Variants in DPYD observed in about 807,000 individuals in gnomAD.
DPYD encodes dihydropyrimidine dehydrogenase, also known as dihydropyrimidine dehydrogenase [NADP(+)].
Under a neutral mutation model 116.2 loss-of-function variants are expected in DPYD, and 109 were observed. The observed-to-expected ratio is 0.94, with a 90% CI of 0.80 to 1.10. The LOEUF (loss-of-function observed/expected upper bound fraction) is 1.10. DPYD is among the 50% of genes least tolerant of loss of function. The pLI is 0.00. For missense variants in DPYD, 1,302 were observed against 1,254.5 expected (o/e 1.04, Z -0.57); for synonymous variants, 440 against 432.0 (o/e 1.02, Z -0.23).
chr1:97,854,382 T>C (rs541667044), intron 2 of DPYD, among the ~76,000 whole-genome samples: 1 of 152,284 alleles, frequency 6.6e-6, no homozygotes, highest in East Asian at 1.9e-4. Context: ...TGATACTCAA[T>C]AGTAGCTAAA....
chr1:97,524,188 T>C (rs893410557), intron 12 of DPYD, among the ~76,000 whole-genome samples: 6 of 152,150 alleles, frequency 3.9e-5, no homozygotes, highest in South Asian at 2.1e-4. Context: ...AATATAGTCA[T>C]TGGGGTCCCT....
chr1:97,829,878 C>T (rs879302890), intron 2 of DPYD, among the ~76,000 whole-genome samples: 3 of 151,832 alleles, frequency 2.0e-5, no homozygotes, highest in Non-Finnish European at 4.4e-5. Context: ...AGGTATTTCT[C>T]CTAATGCCAT....
chr1:97,782,415 C>T (rs1666800303), intron 3 of DPYD, among the ~76,000 whole-genome samples: 1 of 152,214 alleles, frequency 6.6e-6, no homozygotes, highest in South Asian at 2.1e-4. Context: ...TTGCTTTGAG[C>T]ATGTTCTACA....
At chr1:97,775,021 G>A in intron 3 of DPYD, 1 of 277,506 alleles carries the variant, frequency 3.6e-6, no homozygotes, top group African/African-American at 2.2e-5. Context: ...CCAGGTTTGT[G>A]ACAGTGTCTG....
intron 20 of DPYD, among the ~76,000 whole-genome samples, chr1:97,185,009 A>T (rs1308056164): frequency 1.3e-5 from 2 of 152,172 alleles, no homozygotes; most frequent in Non-Finnish European, 2.9e-5. Context: ...GTATGATACT[A>T]GGTATAGGAT....
chr1:97,185,904 C>T (rs1036044440), intron 20 of DPYD, among the ~76,000 whole-genome samples: 41 of 152,206 alleles, frequency 2.7e-4, no homozygotes, highest in Admixed American at 2.6e-4. Flanking sequence ...GAGGATTTCA[C>T]GGATATATGT....
intron 14 of DPYD, among the ~76,000 whole-genome samples, chr1:97,383,830 G>A (rs1672137235): frequency 6.6e-6 from 1 of 152,076 alleles, no homozygotes; most frequent in African/African-American, 2.4e-5. Flanking sequence ...GATTGAGGCT[G>A]GGTGCAGTAG....
intron 18 of DPYD, among the ~76,000 whole-genome samples, chr1:97,299,520 A>G (rs28696953): frequency 0.63 from 95,876 of 151,942 alleles, 30,724 homozygotes; most frequent in Middle Eastern, 0.78. Flanking sequence ...ATTTATCTGC[A>G]GGACAATAGT....
At chr1:97,738,292 A>G (rs544974198) in intron 4 of DPYD, among the ~76,000 whole-genome samples, 1 of 152,192 alleles carries the variant, frequency 6.6e-6, no homozygotes, top group South Asian at 2.1e-4. Flanking sequence ...ATACAATTGC[A>G]AACAACAGCC....
Position 97,883,902 on chromosome 1 carries a change from C to T in DPYD, c.40-528G>A, listed in dbSNP as rs189669822. 1.6e-5 allele frequency: 7 copies of T among 446,682 alleles called. No individual in the cohort carries two copies. The East Asian group carries it at 4.7e-4, about 30-fold the overall frequency. 27.7% of individuals were successfully genotyped at this position (446,682 alleles called of 1,614,324 possible). ...TTTGCAAGATTGTGTTTAATAAAATCAAGTGAGGAATCCTATATTTGGTTT... is the reference window on the plus strand; with the variant it reads ...TTTGCAAGATTGTGTTTAATAAAATTAAGTGAGGAATCCTATATTTGGTTT... On this transcript the variant is annotated intron_variant, in intron 1 of 22. Coordinates refer to ENST00000370192, the MANE Select transcript of DPYD (RefSeq NM_000110.4).
At chr1:97,327,002 T>C (rs1299564801) in intron 16 of DPYD, among the ~76,000 whole-genome samples, 2 of 152,048 alleles carry the variant, frequency 1.3e-5, no homozygotes, top group East Asian at 1.9e-4. Context: ...AATAAATCAA[T>C]TGTGGTTTAA....
In DPYD at chr1:97,315,669, C is replaced by G. The variant is rs549549857; in HGVS notation, c.2059-9372G>C. 2.0e-5 allele frequency among the ~76,000 whole-genome samples: 3 copies of G among 152,108 alleles called. No homozygotes were observed. In the South Asian group the frequency reaches 6.2e-4, roughly 32 times the overall value. On this transcript the variant is annotated intron_variant, in intron 16 of 22. Coordinates refer to ENST00000370192, the MANE Select transcript of DPYD (RefSeq NM_000110.4). ...GCCCAAGTGACCCCAGGATATCTTA[C>G]TGAGAGGAATTCAAGAAAGCTACGC...
intron 5 of DPYD, chr1:97,721,056 TTAC>T: frequency 7.6e-7 from 1 of 1,316,258 alleles, no homozygotes. Flanking sequence ...TTAAATAACA[TTAC>T]TTAGTTTCAG....
chr1:97,691,949 G>A, intron 6 of DPYD, 151 bp from the exon 7 acceptor site: 1 of 673,320 alleles, frequency 1.5e-6, no homozygotes, highest in Non-Finnish European at 2.7e-6. Context: ...TATGCATGAG[G>A]ACATCTACAT....
At chr1:97,426,198 G>A (rs945338102) in intron 14 of DPYD, among the ~76,000 whole-genome samples, 5 of 152,024 alleles carry the variant, frequency 3.3e-5, no homozygotes, top group Admixed American at 2.6e-4. Context: ...AGTACACGTG[G>A]TGGGAGATAT....
chr1:97,810,356 A>T (rs574075862), intron 3 of DPYD, among the ~76,000 whole-genome samples: 1 of 152,080 alleles, frequency 6.6e-6, no homozygotes, highest in African/African-American at 2.4e-5. Flanking sequence ...CGCTTAATAC[A>T]ACAGATGTGA....
intron 13 of DPYD, among the ~76,000 whole-genome samples, chr1:97,484,670 C>T (rs1678518664): frequency 1.3e-5 from 2 of 152,118 alleles, no homozygotes; most frequent in Admixed American, 6.5e-5. Context: ...CCTGTCTTTT[C>T]TTTCCTGTTT....
At chr1:97,501,433 G>A (rs1392928713) in intron 13 of DPYD, among the ~76,000 whole-genome samples, 1 of 151,992 alleles carries the variant, frequency 6.6e-6, no homozygotes, top group African/African-American at 2.4e-5. Context: ...CTGGTGCAGT[G>A]ACGCACACCT....
At chr1:97,449,923 T>A in intron 14 of DPYD, 136 bp downstream of exon 14, 1 of 1,103,382 alleles carries the variant, frequency 9.1e-7, no homozygotes, top group South Asian at 1.4e-5. Flanking sequence ...TATCTTTCTA[T>A]GCATCAGCAA....
Sources: gnomAD v4.1 joint callset for allele counts (sites outside exome capture counted in the v4.1 genomes callset) on GRCh38, gnomAD v4.1.1 for gene constraint, MANE v1.5 for transcripts, NCBI Gene and HGNC (gene_info 2026-07-23, HGNC 2026-07-21) for gene names.